Variants in TOMM70 observed in about 807,000 individuals in gnomAD.
TOMM70 encodes the protein mitochondrial import receptor subunit TOM70.
In TOMM70, 13 loss-of-function variants were observed where a neutral mutation model predicts 73.6. That is an observed-to-expected ratio of 0.18 (90% CI 0.11 to 0.28). The LOEUF (loss-of-function observed/expected upper bound fraction) is 0.28, where lower values mean the gene tolerates loss of function less well. TOMM70 is among the 10% of genes least tolerant of loss of function. The probability of loss-of-function intolerance (pLI) is 1.00; values close to 1 mark genes in which losing one functional copy is unlikely to be tolerated. For synonymous variants in TOMM70, 257 were observed against 271.2 expected (o/e 0.95, Z 0.51); for missense variants, 609 against 747.5 (o/e 0.81, Z 2.16).
At chr3:100,378,574 T>C (rs528964491) in intron 5 of TOMM70, among the ~76,000 whole-genome samples, 1 of 152,216 alleles carries the variant, frequency 6.6e-6, no homozygotes. Context: ...TCCTGTCTTA[T>C]TCACCTTCAT....
At chr3:100,397,176 C>T (rs1341853574) in intron 1 of TOMM70, among the ~76,000 whole-genome samples, 1 of 152,190 alleles carries the variant, frequency 6.6e-6, no homozygotes, top group Non-Finnish European at 1.5e-5. Context: ...GCGAAATCCA[C>T]CGAGGATGCC....
chr3:100,395,326 G>A (rs1307435183), intron 1 of TOMM70, among the ~76,000 whole-genome samples: 1 of 151,896 alleles, frequency 6.6e-6, no homozygotes, highest in African/African-American at 2.4e-5. Context: ...CCGAGATTGC[G>A]CCACTACACT....
At chr3:100,367,205 T>A (rs917376421) in intron 11 of TOMM70, among the ~76,000 whole-genome samples, 47 of 152,132 alleles carry the variant, frequency 3.1e-4, no homozygotes, top group African/African-American at 1.1e-3. Flanking sequence ...GGCTGGAGAC[T>A]CTGTCTCATA....
intron 2 of TOMM70, among the ~76,000 whole-genome samples, 194 bp from the exon 3 acceptor site, chr3:100,386,538 TGAG>T (rs1325471182): frequency 3.3e-5 from 5 of 152,184 alleles, no homozygotes; most frequent in East Asian, 3.8e-4. Context: ...CTCAAACTGT[TGAG>T]GAGAATAGGG....
Position 100,368,123 on chromosome 3 carries a change from C to T in TOMM70, c.1594G>A (p.Glu532Lys). ...ATTTCAATAGCCTTGCTGATAAGTTCCAAACCTCTATCCAGATCTTGCTTC... is the reference window on the plus strand; with the variant it reads ...ATTTCAATAGCCTTGCTGATAAGTTTCAAACCTCTATCCAGATCTTGCTTC... ...QWKQDLDRGL[E>K]LISKAIEIDN... Residue 532 changes from glutamate to lysine, a missense_variant, in exon 11 of 12, where the codon GAA (glutamate) becomes AAA (lysine). Glu to Lys is a moderately conservative substitution (Grantham distance 56, BLOSUM62 1). Transcript: ENST00000284320. The T allele has an allele frequency of 6.2e-7, 1 of 1,613,726 alleles. No individual in the cohort carries two copies. Among genetic ancestry groups the T allele is most frequent in the Non-Finnish European group, 8.5e-7 (1 of 1,179,904 alleles).
At chr3:100,376,432 C>G (rs915884061) in intron 6 of TOMM70, among the ~76,000 whole-genome samples, 2 of 146,302 alleles carry the variant, frequency 1.4e-5, no homozygotes, top group African/African-American at 5.3e-5. Flanking sequence ...GCACAAGTCA[C>G]GGCTCACCGC....
chr3:100,381,552 C>A (rs1706633909), intron 5 of TOMM70, 63 bp downstream of exon 5: 8 of 1,524,192 alleles, frequency 5.2e-6, no homozygotes, highest in Non-Finnish European at 8.9e-7. Context: ...CCCATATGGG[C>A]CCTAAGGAAA....
At chr3:100,393,236 T>C (rs923255827) in intron 1 of TOMM70, among the ~76,000 whole-genome samples, 12 of 150,148 alleles carry the variant, frequency 8.0e-5, no homozygotes, top group Non-Finnish European at 1.3e-4. Flanking sequence ...AAGTGTAGTA[T>C]ATATACCCAT....
In TOMM70 at chr3:100,377,715, G is replaced by A. The variant is rs779635504; in HGVS notation, c.1082C>T (p.Ala361Val). 3.1e-6 allele frequency: 5 copies of A among 1,610,666 alleles called. No homozygotes were observed. The highest frequency in any genetic ancestry group is 4.2e-6 in the Non-Finnish European group (5 of 1,177,234). The change falls in exon 6 of 12, where the codon GCT becomes GTT. Residue 361 changes from alanine to valine, a missense_variant. Coordinates refer to ENST00000284320, the MANE Select transcript of TOMM70 (RefSeq NM_014820.5). ...DLDKVISLKE[A>V]NVKLRANALI... ...CATTTTTTAATGTACCTTCACATTAGCTTCTTTCAAACTGATGACTTTATC... is the reference window on the plus strand; with the variant it reads ...CATTTTTTAATGTACCTTCACATTAACTTCTTTCAAACTGATGACTTTATC...
chr3:100,366,420 A>G (rs1487702125), intron 11 of TOMM70, among the ~76,000 whole-genome samples: 1 of 152,220 alleles, frequency 6.6e-6, no homozygotes, highest in Non-Finnish European at 1.5e-5. Context: ...ATATATATAT[A>G]CCTGCATATA....
chr3:100,400,021 A>G (rs1010044746), intron 1 of TOMM70, among the ~76,000 whole-genome samples: 1 of 152,202 alleles, frequency 6.6e-6, no homozygotes, highest in Non-Finnish European at 1.5e-5. Flanking sequence ...AGTTCTGCTT[A>G]CAGTTCAGAG....
chr3:100,376,889 A>G (rs1706571907), intron 6 of TOMM70, among the ~76,000 whole-genome samples: 2 of 152,214 alleles, frequency 1.3e-5, no homozygotes, highest in South Asian at 4.1e-4. Flanking sequence ...TAACAAAAAC[A>G]TATAACATAT....
At chr3:100,366,560 G>A (rs1706449031) in intron 11 of TOMM70, among the ~76,000 whole-genome samples, 4 of 152,212 alleles carry the variant, frequency 2.6e-5, no homozygotes, top group Admixed American at 1.3e-4. Flanking sequence ...ATATGGCAAC[G>A]TGATAGGCTT....
At chr3:100,389,357 A>C (rs531435971) in intron 1 of TOMM70, among the ~76,000 whole-genome samples, 2 of 152,360 alleles carry the variant, frequency 1.3e-5, no homozygotes, top group Admixed American at 1.3e-4. Context: ...CCAATACAAC[A>C]AAAAGCAGAA....
At chr3:100,394,998 A>G (rs1706806155) in intron 1 of TOMM70, among the ~76,000 whole-genome samples, 1 of 152,216 alleles carries the variant, frequency 6.6e-6, no homozygotes, top group African/African-American at 2.4e-5. Flanking sequence ...ATATACTTTT[A>G]TAATGACTGC....
chr3:100,384,889 T>A (rs1269653795), intron 3 of TOMM70, among the ~76,000 whole-genome samples: 2 of 152,222 alleles, frequency 1.3e-5, no homozygotes, highest in African/African-American at 4.8e-5. Context: ...GGCTAGCAAC[T>A]CTAAGGCATA....
At chr3:100,371,291 G>C (rs892504966) in intron 9 of TOMM70, among the ~76,000 whole-genome samples, 1 of 139,866 alleles carries the variant, frequency 7.1e-6, no homozygotes, top group Non-Finnish European at 1.5e-5. Context: ...TTTGGAAATG[G>C]AGTCTCACTC....
intron 7 of TOMM70, among the ~76,000 whole-genome samples, chr3:100,374,382 G>A (rs1184367643): frequency 1.3e-5 from 2 of 152,116 alleles, no homozygotes; most frequent in Non-Finnish European, 2.9e-5. Context: ...TCCCTGGCAG[G>A]ACACATGACC....
At chr3:100,372,812 CA>C (rs998769592) in intron 8 of TOMM70, 90 bp from the exon 9 acceptor site, 12 of 1,103,482 alleles carry the variant, frequency 1.1e-5, no homozygotes, top group Non-Finnish European at 1.6e-5. Flanking sequence ...TAAATATTTC[CA>C]AAAAAACAGG....
Sources: allele counts gnomAD v4.1 joint callset (sites outside exome capture counted in the v4.1 genomes callset), GRCh38; gene constraint gnomAD v4.1.1; transcripts MANE v1.5; gene names NCBI Gene and HGNC (gene_info 2026-07-23, HGNC 2026-07-21).